Variants in LHCGR observed in about 807,000 individuals in gnomAD.
LHCGR encodes lutropin-choriogonadotropic hormone receptor.
In LHCGR, 55 loss-of-function variants were observed where a neutral mutation model predicts 60.7. The ratio of observed to expected loss-of-function variants is 0.91; its 90% CI spans 0.73 to 1.13. The LOEUF (loss-of-function observed/expected upper bound fraction) is 1.13, where lower values mean the gene tolerates loss of function less well. Among genes scored for constraint, LHCGR ranks in the 50% most tolerant of loss-of-function variants. The pLI is 0.00. For missense variants in LHCGR, 862 were observed against 836.0 expected (o/e 1.03, Z -0.38); for synonymous variants, 337 against 316.5 (o/e 1.06, Z -0.69).
At chr2:48,718,208 C>G (rs1024987311) in intron 6 of LHCGR, among the ~76,000 whole-genome samples, 1 of 152,146 alleles carries the variant, frequency 6.6e-6, no homozygotes. Flanking sequence ...CCCCCAACTT[C>G]TCTATTACAA....
Position 48,725,684 on chromosome 2 carries a change from T to C in LHCGR, c.375A>G (p.Leu125=). The C allele has an allele frequency of 6.2e-7, 1 of 1,612,262 alleles. No homozygotes were observed. The highest frequency in any genetic ancestry group is 8.5e-7 in the Non-Finnish European group (1 of 1,178,370). Residue 125 remains leucine, a synonymous_variant, in exon 4 of 11, where the codon TTA becomes TTG. Transcript: ENST00000294954. The part of the protein sequence containing the change: ...EPGAFINLPR[L]KYLSICNTGI... ...AAAGGAAAATTTCTCACAAGTATTT[T>C]AATCGGGGAAGATTTATAAATGCTC...
At chr2:48,727,521 C>T (rs1215733635) in intron 3 of LHCGR, among the ~76,000 whole-genome samples, 1 of 152,136 alleles carries the variant, frequency 6.6e-6, no homozygotes, top group Admixed American at 6.5e-5. Flanking sequence ...CTTTGCATCA[C>T]GGGAAGCTTT....
At chr2:48,741,205 C>A (rs1237894041) in intron 1 of LHCGR, among the ~76,000 whole-genome samples, 5 of 152,188 alleles carry the variant, frequency 3.3e-5, no homozygotes, top group Admixed American at 3.3e-4. Flanking sequence ...AAGACCAAAT[C>A]TACGTCTGAT....
chr2:48,696,909 C>A (rs575321396), intron 9 of LHCGR, among the ~76,000 whole-genome samples: 1 of 152,318 alleles, frequency 6.6e-6, no homozygotes, highest in African/African-American at 2.4e-5. Context: ...AAACCAGTAT[C>A]TCTGTCATTT....
Position 48,709,012 on chromosome 2 carries a change from C to G in LHCGR, c.616G>C (p.Glu206Gln), listed in dbSNP as rs776172758. 7 of 1,614,040 alleles carry G rather than the reference C, an allele frequency of 4.3e-6. No individual in the cohort carries two copies. Among genetic ancestry groups the G allele is most frequent in the Admixed American group, 3.3e-5 (2 of 60,030 alleles). ...GTTLTSLELK[E>Q]NVHLEKMHNG... ...TGCATCTTCTCCAGATGTACGTTTTCCTTTAGCTCCCTGTGGGGAAGGATA... is the reference window on the plus strand; with the variant it reads ...TGCATCTTCTCCAGATGTACGTTTTGCTTTAGCTCCCTGTGGGGAAGGATA... The change falls in exon 8 of 11, where the codon GAA (glutamate) becomes CAA (glutamine). Residue 206 changes from glutamate to glutamine, a missense_variant. Glu to Gln is a conservative substitution (Grantham distance 29). Coordinates refer to ENST00000294954, the MANE Select transcript of LHCGR (RefSeq NM_000233.4).
At chr2:48,741,909 G>A (rs977760354) in intron 1 of LHCGR, among the ~76,000 whole-genome samples, 1 of 151,968 alleles carries the variant, frequency 6.6e-6, no homozygotes, top group Non-Finnish European at 1.5e-5. Context: ...ATTGGATAAA[G>A]AGTCAAGACC....
Position 48,755,552 on chromosome 2 carries a change from G to C in LHCGR, c.120C>G (p.Gly40=), listed in dbSNP as rs1267978688. ...CPEPCNCVPD[G]ALRCPGPTAG... Reference sequence around the variant, plus strand: ...CCGTGGGGCCGGGGCAGCGCAGGGCGCCGTCGGGCACGCAGTTGCAGGGCT... The same window carrying C: ...CCGTGGGGCCGGGGCAGCGCAGGGCCCCGTCGGGCACGCAGTTGCAGGGCT... Residue 40 remains glycine (G), a synonymous_variant, in exon 1 of 11, where the codon GGC becomes GGG. Coordinates refer to ENST00000294954, the MANE Select transcript of LHCGR (RefSeq NM_000233.4). The C allele has an allele frequency of 9.7e-6, 15 of 1,541,146 alleles. No homozygotes were observed. The highest frequency in any genetic ancestry group is 2.3e-4 in the Middle Eastern group (1 of 4,376).
At chr2:48,751,912 A>C (rs1558907441) in intron 1 of LHCGR, among the ~76,000 whole-genome samples, 1 of 152,240 alleles carries the variant, frequency 6.6e-6, no homozygotes, top group Non-Finnish European at 1.5e-5. Flanking sequence ...TTTTCTTACT[A>C]ACAGATTTTT....
intron 1 of LHCGR, 53 bp downstream of exon 1, chr2:48,755,458 G>T: frequency 8.7e-7 from 1 of 1,152,062 alleles, no homozygotes. Context: ...GTGGCATAGA[G>T]CGATGGAGGG....
intron 1 of LHCGR, among the ~76,000 whole-genome samples, chr2:48,745,980 T>A (rs1669686380): frequency 6.6e-6 from 1 of 152,168 alleles, no homozygotes; most frequent in African/African-American, 2.4e-5. Flanking sequence ...AGTGTGGTAG[T>A]TAAGAGCGCA....
At chr2:48,743,284 T>C (rs906042543) in intron 1 of LHCGR, among the ~76,000 whole-genome samples, 132 of 152,040 alleles carry the variant, frequency 8.7e-4, no homozygotes, top group African/African-American at 3.1e-3. Context: ...ACTGGTACCA[T>C]TCCTTCTGAA....
intron 1 of LHCGR, among the ~76,000 whole-genome samples, chr2:48,751,311 C>G (rs140395940): frequency 2.0e-5 from 3 of 152,090 alleles, no homozygotes; most frequent in Admixed American, 6.5e-5. Flanking sequence ...AACTTTATGT[C>G]TTCTCTTAAG....
chr2:48,694,968 C>T (rs565814375), intron 9 of LHCGR, among the ~76,000 whole-genome samples: 1 of 152,136 alleles, frequency 6.6e-6, no homozygotes, highest in South Asian at 2.1e-4. Flanking sequence ...ATTCCCTTTT[C>T]TTCCACAGCC....
At chr2:48,721,766 A>C (rs1054718696) in intron 6 of LHCGR, 1 of 470,992 alleles carries the variant, frequency 2.1e-6, no homozygotes, top group Non-Finnish European at 4.4e-6. Flanking sequence ...GCCTCATCAC[A>C]ATTTTGCCAT....
At chr2:48,736,008 C>G (rs1021253617) in intron 1 of LHCGR, among the ~76,000 whole-genome samples, 1 of 152,142 alleles carries the variant, frequency 6.6e-6, no homozygotes, top group African/African-American at 2.4e-5. Flanking sequence ...CTCTCTCTTC[C>G]TCCTGCTCTG....
intron 1 of LHCGR, among the ~76,000 whole-genome samples, chr2:48,736,584 A>G (rs1364239002): frequency 2.0e-5 from 3 of 152,222 alleles, no homozygotes; most frequent in Admixed American, 6.5e-5. Flanking sequence ...TTTGAGTTTA[A>G]TGACACAGAT....
intron 6 of LHCGR, chr2:48,720,611 A>C (rs559118665): frequency 6.6e-6 from 1 of 152,174 alleles, no homozygotes; most frequent in Non-Finnish European, 1.5e-5. Flanking sequence ...TTCCTTAAAC[A>C]GCATGTTTAC....
chr2:48,751,498 T>C (rs1669953952), intron 1 of LHCGR, among the ~76,000 whole-genome samples: 2 of 152,348 alleles, frequency 1.3e-5, no homozygotes, highest in South Asian at 2.1e-4. Flanking sequence ...CTTCAGTTCA[T>C]AGTGATTAAT....
rs140635923 is a variant in LHCGR at position 48,698,767 on chromosome 2, C to T, written c.714G>A (p.Pro238=). The change falls in exon 9 of 11, where the codon CCG becomes CCA. Residue 238 remains proline, a synonymous_variant. Coordinates refer to ENST00000294954, the MANE Select transcript of LHCGR (RefSeq NM_000233.4). ...TCTGAATGGACTCTAGGCCATAGCTCGGCAGGGCCTGCAATTTGGTGGAAG... is the reference window on the plus strand; with the variant it reads ...TCTGAATGGACTCTAGGCCATAGCTTGGCAGGGCCTGCAATTTGGTGGAAG... ...DISSTKLQAL[P]SYGLESIQRL... is the part of the protein sequence containing the mutation. The T allele has an allele frequency of 6.8e-6, 11 of 1,613,872 alleles. No individual in the cohort carries two copies. The highest frequency in any genetic ancestry group is 5.3e-5 in the African/African-American group (4 of 74,888).
Sources: gnomAD v4.1 joint callset for allele counts (sites outside exome capture counted in the v4.1 genomes callset) on GRCh38, gnomAD v4.1.1 for gene constraint, MANE v1.5 for transcripts, NCBI Gene and HGNC (gene_info 2026-07-23, HGNC 2026-07-21) for gene names.